Variants in GRXCR1 observed in about 807,000 individuals in gnomAD.
GRXCR1 encodes glutaredoxin and cysteine rich domain containing 1.
GRXCR1 carries 27 observed loss-of-function variants against 27.3 expected under a neutral mutation model. That is an observed-to-expected ratio of 0.99 (90% CI 0.73 to 1.37). The LOEUF (loss-of-function observed/expected upper bound fraction) is 1.37, where lower values mean the gene tolerates loss of function less well. GRXCR1 is among the 40% of genes most tolerant of loss of function. The pLI is 0.00. For synonymous variants in GRXCR1, 122 were observed against 131.1 expected, an observed-to-expected ratio of 0.93 and a Z score of 0.47; for missense variants, 379 against 354.4, an observed-to-expected ratio of 1.07 and a Z score of -0.56.
At chr4:42,931,321 G>T (rs938317303) in intron 1 of GRXCR1, among the ~76,000 whole-genome samples, 1 of 151,946 alleles carries the variant, frequency 6.6e-6, no homozygotes, top group African/African-American at 2.4e-5. Context: ...CCTCCAATTG[G>T]AGTTGTCTAC....
In GRXCR1 at chr4:42,936,174, T is replaced by C. The variant is rs143407881; in HGVS notation, c.385-26718T>C. On this transcript the variant is annotated intron_variant, in intron 1 of 3. Transcript: ENST00000399770. The stretch of plus-strand genomic sequence containing the variant: ...TTGTTTCTTTGTCAAATAATATAAA[T>C]ATTAGAAAATGAGATGGTCAATTTT... Among the ~76,000 whole-genome samples, 581 of 151,968 alleles carry C rather than the reference T, an allele frequency of 3.8e-3. 6 individuals are homozygous for C. Among genetic ancestry groups the C allele is most frequent in the Non-Finnish European group, 5.2e-3 (350 of 67,880 alleles).
intron 1 of GRXCR1, among the ~76,000 whole-genome samples, chr4:42,900,000 C>A (rs1395622189): frequency 6.6e-6 from 1 of 152,132 alleles, no homozygotes; most frequent in East Asian, 1.9e-4. Flanking sequence ...AAGGAATTAG[C>A]ACCTAATGTT....
intron 2 of GRXCR1, among the ~76,000 whole-genome samples, chr4:42,985,667 C>A (rs1036773720): frequency 4.6e-5 from 7 of 151,610 alleles, no homozygotes; most frequent in African/African-American, 1.7e-4. Flanking sequence ...TAGAAGAAAT[C>A]ATTTGTGATG....
intron 3 of GRXCR1, among the ~76,000 whole-genome samples, chr4:43,025,523 T>C (rs1302061155): frequency 6.6e-6 from 1 of 152,218 alleles, no homozygotes; most frequent in African/African-American, 2.4e-5. Context: ...TCTCTTGAGC[T>C]CCACTCCAAA....
rs566259558 is a variant in GRXCR1, at chr4:42,973,286, G to A, written c.627+10152G>A. On this transcript the variant is annotated intron_variant, in intron 2 of 3. Coordinates refer to ENST00000399770, the MANE Select transcript of GRXCR1 (RefSeq NM_001080476.3). The stretch of plus-strand genomic sequence containing the variant: ...TATACAACAAGGTTGTATTGTCAGC[G>A]TTATCTAGGCCCATTACTTCATTTT... 4.7e-4 allele frequency among the ~76,000 whole-genome samples: 71 copies of A among 152,210 alleles called. 1 individual carries two copies. The highest frequency in any genetic ancestry group is 2.4e-3 in the Admixed American group (37 of 15,280).
intron 3 of GRXCR1, among the ~76,000 whole-genome samples, chr4:43,029,601 ACTATCGGG>A (rs1369503643): frequency 6.6e-6 from 1 of 152,160 alleles, no homozygotes; most frequent in Non-Finnish European, 1.5e-5. Context: ...CTCTCAACAC[ACTATCGGG>A]CTATTTTCAT....
intron 2 of GRXCR1, among the ~76,000 whole-genome samples, chr4:43,008,138 T>C (rs998630646): frequency 6.6e-6 from 1 of 152,214 alleles, no homozygotes; most frequent in African/African-American, 2.4e-5. Context: ...TTTAAGTACA[T>C]TTTAATTTCT....
intron 1 of GRXCR1, among the ~76,000 whole-genome samples, chr4:42,922,590 C>A (rs971530236): frequency 6.6e-6 from 1 of 151,990 alleles, no homozygotes; most frequent in Non-Finnish European, 1.5e-5. Context: ...TCCCCATGTC[C>A]CCCATTAGGG....
intron 2 of GRXCR1, among the ~76,000 whole-genome samples, chr4:42,971,067 G>A (rs973322746): frequency 6.6e-6 from 1 of 152,056 alleles, no homozygotes; most frequent in Non-Finnish European, 1.5e-5. Context: ...AAATCTCCAG[G>A]GCAGGGGAAA....
At chr4:43,021,528 A>G (rs1713091818) in intron 3 of GRXCR1, among the ~76,000 whole-genome samples, 1 of 152,216 alleles carries the variant, frequency 6.6e-6, no homozygotes, top group Admixed American at 6.5e-5. Context: ...GGATTCATTC[A>G]TTCAACAAAC....
chr4:43,000,774 G>A (rs1232343509), intron 2 of GRXCR1, among the ~76,000 whole-genome samples: 1 of 151,986 alleles, frequency 6.6e-6, no homozygotes, highest in African/African-American at 2.4e-5. Context: ...CCAGAGAAGG[G>A]AGCACTACTG....
In GRXCR1 at chr4:43,030,209, G is replaced by A. The variant is rs1408298872; in HGVS notation, c.694-152G>A. 3.5e-5 allele frequency: 24 copies of A among 681,592 alleles called. No homozygotes were observed. The East Asian group carries it at 6.1e-4, about 17-fold the overall frequency. The allele number at this position is 681,592 out of a possible 1,614,324, so 42.2% of individuals were successfully genotyped here. ...AACTAATTACTTTCCTGGGTGTAATGTGTATTAATGGTAGGTGAATTCAAG... is the reference window on the plus strand; with the variant it reads ...AACTAATTACTTTCCTGGGTGTAATATGTATTAATGGTAGGTGAATTCAAG... On this transcript the variant is annotated intron_variant, in intron 3 of 3. Coordinates refer to ENST00000399770, the MANE Select transcript of GRXCR1 (RefSeq NM_001080476.3).
chr4:42,950,927 C>T (rs901760200), intron 1 of GRXCR1, among the ~76,000 whole-genome samples: 2 of 152,216 alleles, frequency 1.3e-5, no homozygotes, highest in Admixed American at 6.5e-5. Flanking sequence ...ATTTCTCTCT[C>T]TCTCTCTCTA....
At chr4:42,984,273 T>C (rs1198062311) in intron 2 of GRXCR1, among the ~76,000 whole-genome samples, 1 of 152,262 alleles carries the variant, frequency 6.6e-6, no homozygotes, top group Non-Finnish European at 1.5e-5. Flanking sequence ...ATTTCTTTCT[T>C]GTCACTTTTT....
At chr4:42,990,039 T>C (rs942633671) in intron 2 of GRXCR1, among the ~76,000 whole-genome samples, 1 of 152,018 alleles carries the variant, frequency 6.6e-6, no homozygotes, top group African/African-American at 2.4e-5. Flanking sequence ...GCATAGTATA[T>C]AGCAGTTCTA....
intron 2 of GRXCR1, among the ~76,000 whole-genome samples, chr4:43,010,403 C>CAAA (rs57753561): frequency 6.3e-5 from 7 of 111,268 alleles, no homozygotes; most frequent in African/African-American, 2.2e-4. Context: ...AACTCCATCT[C>CAAA]AAAAAAAAAA....
chr4:42,893,636 A>T lies in GRXCR1; in HGVS notation c.370A>T (p.Thr124Ser), dbSNP rs1746284232. 1 of 1,613,282 alleles carries T rather than the reference A, an allele frequency of 6.2e-7. No homozygotes were observed. Among genetic ancestry groups the T allele is most frequent in the Non-Finnish European group, 8.5e-7 (1 of 1,179,660 alleles). Residue 124 changes from threonine to serine, a missense_variant, in exon 1 of 4, where the codon ACC (threonine) becomes TCC (serine). Coordinates refer to ENST00000399770, the MANE Select transcript of GRXCR1 (RefSeq NM_001080476.3). ...SAGQALFNNL[T>S]KVLQQPSTDL... Reference sequence around the variant, plus strand: ...TGGCCAGGCTCTATTTAACAATTTGACCAAAGTATTACAGGTAAGTCATTG... The same window carrying T: ...TGGCCAGGCTCTATTTAACAATTTGTCCAAAGTATTACAGGTAAGTCATTG...
intron 1 of GRXCR1, among the ~76,000 whole-genome samples, chr4:42,922,944 C>T (rs1450919): frequency 0.011 from 1,616 of 152,186 alleles, 40 homozygotes; most frequent in Admixed American, 0.053. Context: ...TGTGCCCTTC[C>T]ATCACCTTGC....
At chr4:43,016,124 T>C (rs1360081760) in intron 2 of GRXCR1, among the ~76,000 whole-genome samples, 4 of 152,232 alleles carry the variant, frequency 2.6e-5, no homozygotes, top group Non-Finnish European at 5.9e-5. Flanking sequence ...TATATCACTT[T>C]ATTGTTTTCT....
Sources: allele counts gnomAD v4.1 joint callset (sites outside exome capture counted in the v4.1 genomes callset), GRCh38; gene constraint gnomAD v4.1.1; transcripts MANE v1.5; gene names NCBI Gene and HGNC (gene_info 2026-07-23, HGNC 2026-07-21).